Variants in DLGAP2 observed in about 807,000 individuals in gnomAD.
DLGAP2 encodes the protein disks large-associated protein 2.
DLGAP2 carries 26 observed loss-of-function variants against 100.3 expected under a neutral mutation model. That is an observed-to-expected ratio of 0.26 (90% confidence interval 0.19 to 0.36). The LOEUF is 0.36. Ranked by LOEUF, DLGAP2 falls within the 10% of genes least tolerant of loss-of-function variation. The probability of loss-of-function intolerance (pLI) is 1.00; values close to 1 mark genes in which losing one functional copy is unlikely to be tolerated. For missense variants in DLGAP2, 1,858 were observed against 1,453.2 expected (o/e 1.28, Z -4.53); for synonymous variants, 886 against 630.1 (o/e 1.41, Z -6.08).
At chr8:792,430 T>C (rs1179585903) in intron 1 of DLGAP2, among the ~76,000 whole-genome samples, 1 of 152,230 alleles carries the variant, frequency 6.6e-6, no homozygotes, top group Non-Finnish European at 1.5e-5. Flanking sequence ...TGCTGAATAC[T>C]AAAATTGATC....
At chr8:1,167,867 G>C (rs180917988) in intron 2 of DLGAP2, among the ~76,000 whole-genome samples, 1 of 151,478 alleles carries the variant, frequency 6.6e-6, no homozygotes, top group Non-Finnish European at 1.5e-5. Flanking sequence ...ACGTTAGCAA[G>C]TACTTAACCT....
chr8:1,496,718 A>T (rs1240985776), intron 3 of DLGAP2, among the ~76,000 whole-genome samples: 1 of 152,066 alleles, frequency 6.6e-6, no homozygotes, highest in African/African-American at 2.4e-5. Flanking sequence ...GTGATCAGAG[A>T]TGTTAGAAAG....
At chr8:1,364,302 G>T (rs539270242) in intron 3 of DLGAP2, among the ~76,000 whole-genome samples, 3 of 152,282 alleles carry the variant, frequency 2.0e-5, no homozygotes, top group African/African-American at 7.2e-5. Context: ...CTCCAGGTGG[G>T]GACAGAGCTG....
intron 6 of DLGAP2, among the ~76,000 whole-genome samples, chr8:1,607,603 G>C (rs1307280638): frequency 6.6e-6 from 1 of 152,268 alleles, no homozygotes; most frequent in Non-Finnish European, 1.5e-5. Flanking sequence ...GAAGACGGGT[G>C]ATTTCTGCAT....
chr8:1,409,345 C>T (rs1222169717), intron 3 of DLGAP2, among the ~76,000 whole-genome samples: 1 of 152,214 alleles, frequency 6.6e-6, no homozygotes, highest in Non-Finnish European at 1.5e-5. Context: ...TCCCCTTGGA[C>T]CACTGCCCAA....
rs994729853 is a variant in DLGAP2, at chr8:1,555,613, G to C, written c.1230+5930G>C. Among the ~76,000 whole-genome samples the C allele has an allele frequency of 3.9e-5, 6 of 152,320 alleles. No individual in the cohort carries two copies. In the South Asian group the frequency reaches 6.2e-4, roughly 16 times the overall value. On this transcript the variant is annotated intron_variant, in intron 5 of 14. Transcript: ENST00000637795. ...GCAGGAGTGCAGGAGCTGGGCCTGT[G>C]CCTTCGAGCCTCTCACTGTCTCCCC...
intron 1 of DLGAP2, among the ~76,000 whole-genome samples, chr8:742,943 G>A (rs748206391): frequency 2.0e-5 from 3 of 152,184 alleles, no homozygotes; most frequent in African/African-American, 7.2e-5. Context: ...AATGGTGCAC[G>A]TAGGAAATGC....
chr8:983,010 C>G (rs1289307229), intron 2 of DLGAP2, among the ~76,000 whole-genome samples: 1 of 151,746 alleles, frequency 6.6e-6, no homozygotes, highest in Non-Finnish European at 1.5e-5. Context: ...TAGAGCCTCC[C>G]TTTAGATAGG....
At chr8:753,717 A>G (rs538204578) in intron 1 of DLGAP2, 1 of 152,344 alleles carries the variant, frequency 6.6e-6, no homozygotes, top group East Asian at 1.9e-4. Context: ...GGCTCACCAG[A>G]TGGAGCCTTA....
In DLGAP2 at chr8:1,497,413, G is replaced by A. The variant is rs561129366; in HGVS notation, c.107-3953G>A. Reference sequence around the variant, plus strand: ...ACGTGATTTCAGAACGTCTCAGAGCGCAGAGAGAGCTGTAGTTGTATGACA... The same window carrying A: ...ACGTGATTTCAGAACGTCTCAGAGCACAGAGAGAGCTGTAGTTGTATGACA... On this transcript the variant is annotated intron_variant, in intron 3 of 14. Transcript: ENST00000637795. Among the ~76,000 whole-genome samples the A allele has an allele frequency of 7.2e-5, 11 of 152,284 alleles. No homozygotes were observed. In the South Asian group the frequency reaches 1.4e-3, roughly 20 times the overall value.
At chr8:1,050,470 T>C (rs4735975) in intron 2 of DLGAP2, among the ~76,000 whole-genome samples, 68,588 of 152,056 alleles carry the variant, frequency 0.45, 16,078 homozygotes, top group African/African-American at 0.58. Flanking sequence ...AAAGCTGAGC[T>C]GTGATGTTAT....
chr8:1,164,547 C>T (rs1437446598), intron 2 of DLGAP2, among the ~76,000 whole-genome samples: 1 of 152,052 alleles, frequency 6.6e-6, no homozygotes, highest in Non-Finnish European at 1.5e-5. Context: ...CCGGTGGTGC[C>T]ACGGATGCTG....
At chr8:1,476,530 C>A (rs574415190) in intron 3 of DLGAP2, among the ~76,000 whole-genome samples, 1 of 152,152 alleles carries the variant, frequency 6.6e-6, no homozygotes, top group South Asian at 2.1e-4. Context: ...TGGGTATTTT[C>A]ATCACACACC....
At chr8:1,341,279 C>T (rs986561822) in intron 3 of DLGAP2, among the ~76,000 whole-genome samples, 2 of 152,194 alleles carry the variant, frequency 1.3e-5, no homozygotes, top group Non-Finnish European at 2.9e-5. Context: ...TTCAAATATT[C>T]TCCTTTTGTT....
intron 3 of DLGAP2, among the ~76,000 whole-genome samples, chr8:1,422,968 C>G (rs1390474712): frequency 6.6e-6 from 1 of 152,110 alleles, no homozygotes; most frequent in Non-Finnish European, 1.5e-5. Flanking sequence ...GGGAGGGGAT[C>G]CGTGCAGGTG....
chr8:829,899 C>T (rs555789771), intron 1 of DLGAP2, among the ~76,000 whole-genome samples: 6 of 152,170 alleles, frequency 3.9e-5, no homozygotes, highest in Non-Finnish European at 8.8e-5. Context: ...ATGCGCACAC[C>T]TCAGTTTATG....
chr8:1,267,196 C>T lies in DLGAP2; in HGVS notation c.106+8313C>T, dbSNP rs553519641. ...GCAGTGAGCCAAGATTGCACCACTGCACTCCAGCCTGGGCAACAGAGCGAG... is the reference window on the plus strand; with the variant it reads ...GCAGTGAGCCAAGATTGCACCACTGTACTCCAGCCTGGGCAACAGAGCGAG... On this transcript the variant is annotated intron_variant, in intron 3 of 14. Coordinates refer to ENST00000637795, the MANE Select transcript of DLGAP2 (RefSeq NM_001346810.2). Among the ~76,000 whole-genome samples the T allele has an allele frequency of 1.4e-4, 21 of 151,658 alleles. No homozygotes were observed. The East Asian group carries it at 4.1e-3, about 30-fold the overall frequency.
chr8:800,270 G>C (rs796776518), intron 1 of DLGAP2, among the ~76,000 whole-genome samples: 1 of 152,230 alleles, frequency 6.6e-6, no homozygotes, highest in African/African-American at 2.4e-5. Context: ...TTTTAAAGAT[G>C]TACAGACATT....
chr8:1,322,924 G>T (rs571534807), intron 3 of DLGAP2, among the ~76,000 whole-genome samples: 1 of 152,000 alleles, frequency 6.6e-6, no homozygotes, highest in Non-Finnish European at 1.5e-5. Context: ...GCCTCACTTT[G>T]TAGATTATTA....
Sources: gnomAD v4.1 joint callset for allele counts (sites outside exome capture counted in the v4.1 genomes callset) on GRCh38, gnomAD v4.1.1 for gene constraint, MANE v1.5 for transcripts, NCBI Gene and HGNC (gene_info 2026-07-23, HGNC 2026-07-21) for gene names.